GALNTL6: variants seen among roughly 807,000 people sequenced by gnomAD.
GALNTL6 encodes the protein polypeptide N-acetylgalactosaminyltransferase-like 6.
GALNTL6 carries 46 observed loss-of-function variants against 73.7 expected under a neutral mutation model. That is an observed-to-expected ratio of 0.62 (90% confidence interval 0.49 to 0.80). GALNTL6 has a LOEUF of 0.80. Ranked by LOEUF, GALNTL6 falls within the 30% of genes least tolerant of loss-of-function variation. The pLI is 0.00. For synonymous variants in GALNTL6, 259 were observed against 263.7 expected (o/e 0.98, Z 0.17); for missense variants, 604 against 755.0 (o/e 0.80, Z 2.34).
At chr4:172,149,561 G>T (rs1734015332) in intron 2 of GALNTL6, among the ~76,000 whole-genome samples, 1 of 152,026 alleles carries the variant, frequency 6.6e-6, no homozygotes, top group African/African-American at 2.4e-5. Context: ...GCTTATCTCT[G>T]GGCCTCTGTT....
At chr4:172,233,178 G>T (rs1005243811) in intron 3 of GALNTL6, among the ~76,000 whole-genome samples, 1 of 149,232 alleles carries the variant, frequency 6.7e-6, no homozygotes, top group Non-Finnish European at 1.5e-5. Context: ...AAAGCAGCCT[G>T]GGAAACATAG....
chr4:172,978,910 C>T (rs533970877), intron 10 of GALNTL6, among the ~76,000 whole-genome samples: 13 of 152,282 alleles, frequency 8.5e-5, no homozygotes, highest in East Asian at 3.9e-4. Context: ...TGGATGAATA[C>T]GTTAGAATCA....
At chr4:171,900,984 G>A (rs1737074783) in intron 2 of GALNTL6, among the ~76,000 whole-genome samples, 1 of 152,124 alleles carries the variant, frequency 6.6e-6, no homozygotes, top group Non-Finnish European at 1.5e-5. Flanking sequence ...GGATTTCAGA[G>A]CACAAAATGT....
At chr4:172,439,844 C>G (rs1731764805) in intron 5 of GALNTL6, among the ~76,000 whole-genome samples, 1 of 151,930 alleles carries the variant, frequency 6.6e-6, no homozygotes, top group Middle Eastern at 3.2e-3. Context: ...TACCCTTTGC[C>G]CAGTTGGTTT....
chr4:172,094,821 C>A (rs1202561915), intron 2 of GALNTL6, among the ~76,000 whole-genome samples: 1 of 152,026 alleles, frequency 6.6e-6, no homozygotes, highest in Non-Finnish European at 1.5e-5. Flanking sequence ...GAGCTGCTTT[C>A]AAGAATCTTC....
At chr4:172,326,768 C>T (rs1455539039) in intron 4 of GALNTL6, among the ~76,000 whole-genome samples, 4 of 151,670 alleles carry the variant, frequency 2.6e-5, no homozygotes, top group African/African-American at 9.7e-5. Context: ...GCTTTGCCTT[C>T]GTTTGGATTA....
rs932122786 is a variant in GALNTL6, at chr4:172,001,095, T to G, written c.138+186377T>G. Among the ~76,000 whole-genome samples, 4 of 152,196 alleles carry G rather than the reference T, an allele frequency of 2.6e-5. 1 individual carries two copies. The highest frequency in any genetic ancestry group is 2.6e-4 in the Admixed American group (4 of 15,264). On this transcript the variant is annotated intron_variant, in intron 2 of 12. Transcript: ENST00000506823. ...TAGTAGTTGTAATAGTACGTAGTCA[T>G]CATTGTAATCGTTGTAATTAGTGAT...
At chr4:172,669,693 G>T (rs1424524092) in intron 5 of GALNTL6, among the ~76,000 whole-genome samples, 1 of 152,034 alleles carries the variant, frequency 6.6e-6, no homozygotes, top group East Asian at 1.9e-4. Flanking sequence ...TTAAGTTCAT[G>T]GGTACATTGC....
intron 3 of GALNTL6, among the ~76,000 whole-genome samples, chr4:172,235,199 A>G (rs1003236291): frequency 2.6e-5 from 4 of 151,674 alleles, no homozygotes; most frequent in Non-Finnish European, 4.4e-5. Context: ...TTCTACAAAA[A>G]TTTGTCACTT....
intron 5 of GALNTL6, among the ~76,000 whole-genome samples, chr4:172,619,642 T>G (rs952796922): frequency 6.6e-6 from 1 of 152,232 alleles, no homozygotes; most frequent in Non-Finnish European, 1.5e-5. Flanking sequence ...CTCAAAAACT[T>G]AACCTAGTTA....
chr4:172,915,101 A>C (rs1006421331), intron 8 of GALNTL6, among the ~76,000 whole-genome samples: 1 of 152,254 alleles, frequency 6.6e-6, no homozygotes, highest in African/African-American at 2.4e-5. Flanking sequence ...AAACTCACTC[A>C]AAACCTCACA....
chr4:172,849,484 T>TTGAA (rs371352465), intron 7 of GALNTL6, among the ~76,000 whole-genome samples: 25 of 152,190 alleles, frequency 1.6e-4, no homozygotes, highest in South Asian at 1.2e-3. Flanking sequence ...TCAAAAAATG[T>TTGAA]TGAATGAATG....
chr4:172,830,164 C>T (rs1560980564), intron 7 of GALNTL6, among the ~76,000 whole-genome samples: 1 of 152,050 alleles, frequency 6.6e-6, no homozygotes, highest in Non-Finnish European at 1.5e-5. Context: ...GAGAATTTTT[C>T]CTAAAGATGC....
chr4:172,989,400 G>A (rs1751445026), intron 10 of GALNTL6, among the ~76,000 whole-genome samples: 1 of 152,110 alleles, frequency 6.6e-6, no homozygotes, highest in African/African-American at 2.4e-5. Flanking sequence ...ACATTTCAGG[G>A]GACTGTTGAA....
chr4:172,226,668 C>T (rs1736879845), intron 2 of GALNTL6, among the ~76,000 whole-genome samples: 1 of 151,262 alleles, frequency 6.6e-6, no homozygotes, highest in African/African-American at 2.4e-5. Context: ...TTCCCTTATA[C>T]AGTTGGACTG....
At chr4:171,975,171 TA>T (rs1388208030) in intron 2 of GALNTL6, among the ~76,000 whole-genome samples, 1 of 152,198 alleles carries the variant, frequency 6.6e-6, no homozygotes, top group Non-Finnish European at 1.5e-5. Context: ...TTTTCCTCAA[TA>T]AGACTGTATT....
intron 8 of GALNTL6, among the ~76,000 whole-genome samples, chr4:172,906,652 T>C (rs970043990): frequency 2.0e-5 from 3 of 152,214 alleles, no homozygotes; most frequent in African/African-American, 7.2e-5. Flanking sequence ...TTCTTCATGG[T>C]TGTGGGACTG....
chr4:172,939,515 C>T (rs1748807191), intron 9 of GALNTL6, among the ~76,000 whole-genome samples: 1 of 152,066 alleles, frequency 6.6e-6, no homozygotes, highest in African/African-American at 2.4e-5. Flanking sequence ...CATCTCTAAC[C>T]TCAGAGAAGT....
intron 5 of GALNTL6, among the ~76,000 whole-genome samples, chr4:172,672,754 G>A (rs1356524068): frequency 6.6e-6 from 1 of 152,120 alleles, no homozygotes; most frequent in Non-Finnish European, 1.5e-5. Context: ...AGCCTTGGGA[G>A]GGTGTATGTG....
Sources: allele counts gnomAD v4.1 joint callset (sites outside exome capture counted in the v4.1 genomes callset), GRCh38; gene constraint gnomAD v4.1.1; transcripts MANE v1.5; gene names NCBI Gene and HGNC (gene_info 2026-07-23, HGNC 2026-07-21).